NTM: variants seen among roughly 807,000 people sequenced by gnomAD.
NTM encodes the protein IgLON family member 2.
Under a neutral mutation model 42.1 loss-of-function variants are expected in NTM, and 13 were observed. The ratio of observed to expected loss-of-function variants is 0.31; its 90% CI spans 0.20 to 0.49. The LOEUF (loss-of-function observed/expected upper bound fraction) is 0.49. NTM is among the 20% of genes least tolerant of loss of function. The pLI is 0.99. For missense variants in NTM, 373 were observed against 452.8 expected (o/e 0.82, Z 1.60); for synonymous variants, 187 against 179.2 (o/e 1.04, Z -0.35).
chr11:132,136,742 C>T (rs2067994608), intron 2 of NTM, among the ~76,000 whole-genome samples: 1 of 152,076 alleles, frequency 6.6e-6, no homozygotes, highest in African/African-American at 2.4e-5. Context: ...CTCTTCAAGT[C>T]ATGTTCAAGT....
intron 6 of NTM, among the ~76,000 whole-genome samples, chr11:132,311,380 A>C (rs888039952): frequency 1.3e-5 from 2 of 152,198 alleles, no homozygotes; most frequent in African/African-American, 4.8e-5. Context: ...ACATTCTGGC[A>C]GCTTCTAGTG....
chr11:132,080,591 C>T (rs758043658), intron 2 of NTM, among the ~76,000 whole-genome samples: 8 of 152,162 alleles, frequency 5.3e-5, no homozygotes, highest in Non-Finnish European at 1.0e-4. Context: ...TGGCCATTTA[C>T]CTTTTACCTA....
At chr11:131,608,573 G>A (rs2061198558) in intron 1 of NTM, among the ~76,000 whole-genome samples, 1 of 152,216 alleles carries the variant, frequency 6.6e-6, no homozygotes, top group Non-Finnish European at 1.5e-5. Context: ...CCCAGAGGCT[G>A]TGCCTTAATC....
intron 2 of NTM, among the ~76,000 whole-genome samples, chr11:131,976,097 TTCCC>T (rs879440785): frequency 1.4e-5 from 2 of 140,714 alleles, no homozygotes; most frequent in African/African-American, 2.7e-5. Context: ...CCTTCCCTCC[TTCCC>T]TCCCTCCCTC....
At chr11:132,140,061 T>G (rs1415906697) in intron 2 of NTM, among the ~76,000 whole-genome samples, 3 of 152,216 alleles carry the variant, frequency 2.0e-5, no homozygotes, top group South Asian at 2.1e-4. Flanking sequence ...ATGTTTCCAT[T>G]TAATCTTCTC....
intron 3 of NTM, among the ~76,000 whole-genome samples, chr11:132,172,893 G>A (rs2076303246): frequency 6.6e-6 from 1 of 152,166 alleles, no homozygotes; most frequent in Admixed American, 6.5e-5. Context: ...ACAGAAAATT[G>A]CATTTGTGTC....
At chr11:131,820,156 C>A (rs1224280111) in intron 1 of NTM, among the ~76,000 whole-genome samples, 1 of 152,200 alleles carries the variant, frequency 6.6e-6, no homozygotes, top group Non-Finnish European at 1.5e-5. Flanking sequence ...TCCTTTCAAC[C>A]ACAACAGCCT....
rs926457991 is a variant in NTM, at chr11:131,928,038, GT to G, written c.167+16400del. On this transcript the variant is annotated intron_variant, in intron 2 of 8. Transcript: ENST00000683400. Reference sequence around the variant, plus strand: ...ATTAACCTAATCTCTCTGAGCCTTTGTTTTTTTTTTAATCTGTGAAATGGGG... The same window carrying G: ...ATTAACCTAATCTCTCTGAGCCTTTGTTTTTTTTTAATCTGTGAAATGGGG... Among the ~76,000 whole-genome samples the G allele has an allele frequency of 4.0e-4, 60 of 148,304 alleles. No homozygotes were observed. The South Asian group carries it at 4.1e-3, about 10-fold the overall frequency.
chr11:132,269,828 T>C (rs1367008637), intron 4 of NTM, among the ~76,000 whole-genome samples: 1 of 152,198 alleles, frequency 6.6e-6, no homozygotes, highest in African/African-American at 2.4e-5. Flanking sequence ...ACCTGAGAGA[T>C]GTGTCATTTA....
intron 1 of NTM, among the ~76,000 whole-genome samples, chr11:131,634,400 A>AGG (rs1565356131): frequency 5.3e-5 from 8 of 150,220 alleles, no homozygotes; most frequent in Admixed American, 6.7e-5. Flanking sequence ...CCCCCTGGAA[A>AGG]AAAAAAAAAA....
intron 1 of NTM, among the ~76,000 whole-genome samples, chr11:131,552,103 A>G (rs539880853): frequency 6.6e-6 from 1 of 152,290 alleles, no homozygotes; most frequent in Admixed American, 6.5e-5. Context: ...AGTGGAATAA[A>G]AAGGCACACC....
intron 2 of NTM, among the ~76,000 whole-genome samples, chr11:132,104,694 G>A (rs569761689): frequency 6.6e-6 from 1 of 150,914 alleles, no homozygotes; most frequent in African/African-American, 2.4e-5. Context: ...AGGATTGTAT[G>A]AGACCGGCCT....
chr11:131,857,157 A>C (rs2046186739), intron 1 of NTM, among the ~76,000 whole-genome samples: 1 of 152,192 alleles, frequency 6.6e-6, no homozygotes, highest in Non-Finnish European at 1.5e-5. Flanking sequence ...CCTTCCACAG[A>C]ACAGACACAG....
intron 1 of NTM, among the ~76,000 whole-genome samples, chr11:131,791,812 AG>A (rs1290426462): frequency 6.6e-6 from 1 of 152,220 alleles, no homozygotes; most frequent in African/African-American, 2.4e-5. Context: ...ATGGCTTTGG[AG>A]GGAGAGTTTG....
At chr11:131,738,791 G>A (rs2080816742) in intron 1 of NTM, among the ~76,000 whole-genome samples, 2 of 152,212 alleles carry the variant, frequency 1.3e-5, no homozygotes, top group Admixed American at 6.5e-5. Context: ...TTCACAATGT[G>A]ATGGGCATTC....
intron 1 of NTM, among the ~76,000 whole-genome samples, chr11:131,499,604 C>T (rs146387780): frequency 6.6e-6 from 1 of 152,340 alleles, no homozygotes; most frequent in Non-Finnish European, 1.5e-5. Flanking sequence ...CCTGGCTTTC[C>T]CTTCTTCTTG....
chr11:131,500,022 G>C (rs534300001), intron 1 of NTM, among the ~76,000 whole-genome samples: 1 of 152,364 alleles, frequency 6.6e-6, no homozygotes, highest in South Asian at 2.1e-4. Flanking sequence ...TGGGTGCAGT[G>C]TGTGGTCCCC....
chr11:131,617,974 C>T (rs1036484261), intron 1 of NTM, among the ~76,000 whole-genome samples: 4 of 152,144 alleles, frequency 2.6e-5, no homozygotes, highest in Admixed American at 6.5e-5. Context: ...TCTGGGCCAG[C>T]GCCGGGCTAC....
chr11:131,666,992 G>A (rs1481627222), intron 1 of NTM, among the ~76,000 whole-genome samples: 1 of 152,180 alleles, frequency 6.6e-6, no homozygotes, highest in Non-Finnish European at 1.5e-5. Flanking sequence ...CTGACTTGGA[G>A]GCCTAGGGGA....
Sources: allele counts gnomAD v4.1 joint callset (sites outside exome capture counted in the v4.1 genomes callset), GRCh38; gene constraint gnomAD v4.1.1; transcripts MANE v1.5; gene names NCBI Gene and HGNC (gene_info 2026-07-23, HGNC 2026-07-21).